FAM117B: variants seen among roughly 807,000 people sequenced by gnomAD.
FAM117B encodes protein FAM117B.
In FAM117B, 22 loss-of-function variants were observed where a neutral mutation model predicts 52.8. That is an observed-to-expected ratio of 0.42 (90% CI 0.30 to 0.59). The LOEUF is 0.59. FAM117B is among the 20% of genes least tolerant of loss of function. FAM117B has a pLI of 0.22. For missense variants in FAM117B, 678 were observed against 802.6 expected, an observed-to-expected ratio of 0.84 and a Z score of 1.88; for synonymous variants, 309 against 324.1, an observed-to-expected ratio of 0.95 and a Z score of 0.50.
At position 202,705,130 on chromosome 2, in the gene FAM117B, A is replaced by G. The variant is rs943021787; in HGVS notation, c.753+9098A>G. Among the ~76,000 whole-genome samples the G allele has an allele frequency of 1.3e-5, 2 of 151,942 alleles. 1 individual carries two copies. Among genetic ancestry groups the G allele is most frequent in the Non-Finnish European group, 2.9e-5 (2 of 67,978 alleles). ...GAGACCAGCCTGACCAACATGGAGA[A>G]ACCCCATCTCTACTAAAAATACAAA... On this transcript the variant is annotated intron_variant, in intron 2 of 7. Coordinates refer to ENST00000392238, the MANE Select transcript of FAM117B (RefSeq NM_173511.4).
intron 7 of FAM117B, among the ~76,000 whole-genome samples, chr2:202,764,948 C>T (rs1229286343): frequency 1.3e-5 from 2 of 152,188 alleles, no homozygotes; most frequent in Non-Finnish European, 2.9e-5. Context: ...TTTAGTCATG[C>T]AGTGGTGGAA....
chr2:202,722,474 T>C (rs918452472), intron 2 of FAM117B, among the ~76,000 whole-genome samples: 1 of 152,186 alleles, frequency 6.6e-6, no homozygotes, highest in Admixed American at 6.5e-5. Flanking sequence ...ATATACACCA[T>C]GGACTACTGT....
chr2:202,716,545 T>C (rs986261548), intron 2 of FAM117B, among the ~76,000 whole-genome samples: 11 of 149,628 alleles, frequency 7.4e-5, no homozygotes, highest in Non-Finnish European at 1.6e-4. Context: ...GTGTATCTGT[T>C]GTTGTATGTT....
At chr2:202,705,189 C>G (rs556617193) in intron 2 of FAM117B, among the ~76,000 whole-genome samples, 1 of 151,800 alleles carries the variant, frequency 6.6e-6, no homozygotes, top group Admixed American at 6.6e-5. Flanking sequence ...GCCTGTAATC[C>G]CAGCTACTCG....
Position 202,766,113 on chromosome 2 carries a change from A to G in FAM117B, c.*349A>G, listed in dbSNP as rs1173233739. On this transcript the variant is annotated 3_prime_UTR_variant, in exon 8 of 8. Coordinates refer to ENST00000392238, the MANE Select transcript of FAM117B (RefSeq NM_173511.4). Reference sequence around the variant, plus strand: ...ACACACACACACACACACACCCCTGATCCTTGCCAACATGATTCCTAAAGG... The same window carrying G: ...ACACACACACACACACACACCCCTGGTCCTTGCCAACATGATTCCTAAAGG... 6.1e-6 allele frequency: 1 copy of G among 163,920 alleles called. No individual in the cohort carries two copies. Among genetic ancestry groups the G allele is most frequent in the Admixed American group, 6.7e-5 (1 of 14,854 alleles). The allele number at this position is 163,920 out of a possible 1,614,324, so 10.2% of individuals were successfully genotyped here. A position where few individuals can be genotyped will look rare whatever the true frequency, so the allele number is the denominator to read the frequency against.
intron 6 of FAM117B, among the ~76,000 whole-genome samples, 158 bp from the exon 7 acceptor site, chr2:202,759,075 T>C (rs1383180881): frequency 6.6e-6 from 1 of 152,244 alleles, no homozygotes; most frequent in Non-Finnish European, 1.5e-5. Context: ...ATAAATATTT[T>C]ATTTGTGTGT....
intron 7 of FAM117B, 82 bp downstream of exon 7, chr2:202,759,435 G>T: frequency 6.5e-7 from 1 of 1,541,514 alleles, no homozygotes. Flanking sequence ...TGTCATCTAG[G>T]CTGGACTGCA....
chr2:202,666,668 C>CT (rs1157457357), intron 1 of FAM117B, among the ~76,000 whole-genome samples: 13,185 of 125,740 alleles, frequency 0.1, 1,195 homozygotes, highest in African/African-American at 0.22. Flanking sequence ...CGTTTCATTT[C>CT]TTTTTTTTTT....
Position 202,677,814 on chromosome 2 carries a change from G to A in FAM117B, c.602-18067G>A, listed in dbSNP as rs1043753380. 1.1e-4 allele frequency among the ~76,000 whole-genome samples: 17 copies of A among 152,108 alleles called. 1 individual carries two copies. The highest frequency in any genetic ancestry group is 3.6e-4 in the African/African-American group (15 of 41,416). Reference sequence around the variant, plus strand: ...CTTAATAAATATTTATTGAATTAACGAATTGAGTAATTTCTGCCTCAGATT... The same window carrying A: ...CTTAATAAATATTTATTGAATTAACAAATTGAGTAATTTCTGCCTCAGATT... On this transcript the variant is annotated intron_variant, in intron 1 of 7. Transcript: ENST00000392238.
In FAM117B at chr2:202,755,308, G is replaced by T. The variant is rs574533992; in HGVS notation, c.961-230G>T. 1.2e-3 allele frequency among the ~76,000 whole-genome samples: 187 copies of T among 152,270 alleles called. 1 individual carries two copies. The highest frequency in any genetic ancestry group is 4.2e-3 in the African/African-American group (174 of 41,552). ...TTTATTTATCCCTGTTCCCTTTGCAGTCGTTCACAGATGTGAATAAATGTT... is the reference window on the plus strand; with the variant it reads ...TTTATTTATCCCTGTTCCCTTTGCATTCGTTCACAGATGTGAATAAATGTT... On this transcript the variant is annotated intron_variant, in intron 4 of 7. Coordinates refer to ENST00000392238, the MANE Select transcript of FAM117B (RefSeq NM_173511.4).
chr2:202,689,076 G>A (rs773305553), intron 1 of FAM117B, among the ~76,000 whole-genome samples: 2 of 152,056 alleles, frequency 1.3e-5, no homozygotes, highest in Non-Finnish European at 2.9e-5. Flanking sequence ...ATGCATAATG[G>A]GACCTCATTT....
intron 1 of FAM117B, among the ~76,000 whole-genome samples, chr2:202,678,616 A>G (rs1191016135): frequency 5.9e-5 from 9 of 152,122 alleles, no homozygotes; most frequent in African/African-American, 1.7e-4. Context: ...CTGGAGTGCA[A>G]TGGCGAGATC....
At position 202,642,134 on chromosome 2, in the gene FAM117B, T is replaced by A. The variant is rs918904000; in HGVS notation, c.601+6346T>A. Among the ~76,000 whole-genome samples, 3 of 146,184 alleles carry A rather than the reference T, an allele frequency of 2.1e-5. No individual in the cohort carries two copies. The East Asian group carries it at 5.9e-4, about 29-fold the overall frequency. ...TTTTTGTACTTTTTTTTTTTTTTTT[T>A]AGTAGAGACGGGATTTCACCATATT... On this transcript the variant is annotated intron_variant, in intron 1 of 7. Coordinates refer to ENST00000392238, the MANE Select transcript of FAM117B (RefSeq NM_173511.4).
intron 4 of FAM117B, among the ~76,000 whole-genome samples, chr2:202,731,983 C>T (rs2105789773): frequency 6.6e-6 from 1 of 152,182 alleles, no homozygotes; most frequent in South Asian, 2.1e-4. Flanking sequence ...GATCTGCCCG[C>T]CTCGGCCTCC....
At chr2:202,690,123 T>A (rs928157487) in intron 1 of FAM117B, among the ~76,000 whole-genome samples, 2 of 152,158 alleles carry the variant, frequency 1.3e-5, no homozygotes, top group African/African-American at 4.8e-5. Flanking sequence ...AACTCTGAAC[T>A]CCAGGACCCA....
rs760350219 is a variant in FAM117B, at chr2:202,634,994, A to AGCAGCG, written c.-192_-191insAGCGGC. ...AGAGGAGACACTATTGTTGATGAGGAGCGGCGGCGGCGGCGGCGGCGGCTG... is the reference window on the plus strand; with the variant it reads ...AGAGGAGACACTATTGTTGATGAGGAGCAGCGGCGGCGGCGGCGGCGGCGGCGGCTG... On this transcript the variant is annotated 5_prime_UTR_variant, in exon 1 of 8. Coordinates refer to ENST00000392238, the MANE Select transcript of FAM117B (RefSeq NM_173511.4). Among the ~76,000 whole-genome samples the AGCAGCG allele has an allele frequency of 5.0e-3, 743 of 147,632 alleles. 9 individuals carry two copies. Among genetic ancestry groups the AGCAGCG allele is most frequent in the African/African-American group, 0.017 (660 of 39,700 alleles).
chr2:202,693,017 A>G (rs1163100178), intron 1 of FAM117B, among the ~76,000 whole-genome samples: 1 of 152,252 alleles, frequency 6.6e-6, no homozygotes, highest in Non-Finnish European at 1.5e-5. Flanking sequence ...TGCTAGCCAT[A>G]CAAAAAACAG....
chr2:202,764,271 T>TTTG (rs1691942346), intron 7 of FAM117B, among the ~76,000 whole-genome samples: 1 of 152,002 alleles, frequency 6.6e-6, no homozygotes. Flanking sequence ...TTTAGATTTT[T>TTTG]TGTGTGTGTG....
At chr2:202,765,300 G>C (rs944619084) in intron 7 of FAM117B, 146 bp from the exon 8 acceptor site, 11 of 753,212 alleles carry the variant, frequency 1.5e-5, no homozygotes, top group Non-Finnish European at 2.1e-5. Flanking sequence ...TGAAGGTGGG[G>C]GACAGAGCTT....
Sources: gnomAD v4.1 joint callset for allele counts (sites outside exome capture counted in the v4.1 genomes callset) on GRCh38, gnomAD v4.1.1 for gene constraint, MANE v1.5 for transcripts, NCBI Gene and HGNC (gene_info 2026-07-23, HGNC 2026-07-21) for gene names.